OCA2: variants seen among roughly 807,000 people sequenced by gnomAD.
OCA2 encodes the protein OCA2 melanosomal transmembrane protein.
A neutral mutation model predicts 100.2 loss-of-function variants in OCA2; 77 were observed. The observed-to-expected ratio is 0.77, with a 90% CI of 0.64 to 0.93. The LOEUF (loss-of-function observed/expected upper bound fraction) is 0.93, where lower values mean the gene tolerates loss of function less well. OCA2 is among the 40% of genes least tolerant of loss of function. OCA2 has a pLI of 0.00. For missense variants in OCA2, 1,062 were observed against 1,089.1 expected, an observed-to-expected ratio of 0.98 and a Z score of 0.35; for synonymous variants, 432 against 439.2, an observed-to-expected ratio of 0.98 and a Z score of 0.21.
intron 23 of OCA2, among the ~76,000 whole-genome samples, chr15:27,797,836 TG>T (rs1265027430): frequency 6.6e-6 from 1 of 152,178 alleles, no homozygotes; most frequent in African/African-American, 2.4e-5. Context: ...CCATGTTTCC[TG>T]AAGGGCCTGG....
At chr15:27,778,180 CTT>C (rs1218724392) in intron 23 of OCA2, among the ~76,000 whole-genome samples, 1 of 152,208 alleles carries the variant, frequency 6.6e-6, no homozygotes, top group Non-Finnish European at 1.5e-5. Context: ...CATGAGTTAA[CTT>C]TAATTTTTAG....
intron 18 of OCA2, among the ~76,000 whole-genome samples, chr15:27,948,473 T>C (rs1395011385): frequency 6.6e-6 from 1 of 151,788 alleles, no homozygotes; most frequent in African/African-American, 2.4e-5. Context: ...TTGTTTTCTG[T>C]TTTTTGTTTT....
At chr15:27,962,114 AG>A (rs1232335727) in intron 15 of OCA2, among the ~76,000 whole-genome samples, 2 of 152,206 alleles carry the variant, frequency 1.3e-5, no homozygotes, top group Non-Finnish European at 2.9e-5. Flanking sequence ...ATTAGATGAT[AG>A]ATTACAGATA....
chr15:27,750,367 C>T (rs10519617), downstream of OCA2, among the ~76,000 whole-genome samples: 24,678 of 152,126 alleles, frequency 0.16, 2,096 homozygotes, highest in Middle Eastern at 0.28. Context: ...AAGGCTTGAA[C>T]GGGCCAAATT....
At chr15:27,858,258 C>T (rs1324055865) in intron 21 of OCA2, among the ~76,000 whole-genome samples, 1 of 151,898 alleles carries the variant, frequency 6.6e-6, no homozygotes, top group Non-Finnish European at 1.5e-5. Context: ...CCTGTAATCC[C>T]AGCTACTCAG....
intron 21 of OCA2, among the ~76,000 whole-genome samples, chr15:27,868,595 TAG>T (rs1173436661): frequency 3.3e-5 from 5 of 151,852 alleles, no homozygotes; most frequent in African/African-American, 7.3e-5. Flanking sequence ...GCTCAATGGG[TAG>T]AGTTTCAGTT....
chr15:27,869,996 G>A (rs549185041), intron 21 of OCA2, among the ~76,000 whole-genome samples: 2 of 152,188 alleles, frequency 1.3e-5, no homozygotes, highest in Non-Finnish European at 2.9e-5. Flanking sequence ...CCAGGCCCTG[G>A]AAGGAGAGCA....
chr15:27,857,494 T>C (rs1229506673), intron 21 of OCA2, among the ~76,000 whole-genome samples: 1 of 152,146 alleles, frequency 6.6e-6, no homozygotes, highest in Non-Finnish European at 1.5e-5. Flanking sequence ...GTGATAGTTG[T>C]ACAATAATAT....
intron 22 of OCA2, among the ~76,000 whole-genome samples, chr15:27,847,531 T>A (rs1396019842): frequency 6.6e-6 from 1 of 151,980 alleles, no homozygotes; most frequent in African/African-American, 2.4e-5. Context: ...GAGGAGGCCC[T>A]GGAGAGGAGG....
intron 23 of OCA2, among the ~76,000 whole-genome samples, chr15:27,769,649 A>T (rs1177851557): frequency 6.6e-6 from 1 of 152,184 alleles, no homozygotes; most frequent in Non-Finnish European, 1.5e-5. Context: ...TTGAAATAAA[A>T]AAAAAGGCTT....
downstream of OCA2, among the ~76,000 whole-genome samples, chr15:27,752,065 T>C (rs563823393): frequency 2.6e-5 from 4 of 152,336 alleles, no homozygotes; most frequent in East Asian, 1.9e-4. Context: ...CAGATTCCCA[T>C]GGACTCTGCT....
At chr15:27,815,287 G>A (rs2151241518) in intron 23 of OCA2, among the ~76,000 whole-genome samples, 1 of 152,342 alleles carries the variant, frequency 6.6e-6, no homozygotes, top group South Asian at 2.1e-4. Context: ...CAGGAACAGA[G>A]GGAAGGGGCT....
At chr15:28,009,627 G>A (rs1393778219) in intron 9 of OCA2, among the ~76,000 whole-genome samples, 2 of 150,822 alleles carry the variant, frequency 1.3e-5, no homozygotes, top group East Asian at 4.0e-4. Flanking sequence ...GGCGCAGGTT[G>A]CAGTGGGCTG....
At chr15:27,788,421 C>A (rs1300410118) in intron 23 of OCA2, among the ~76,000 whole-genome samples, 1 of 151,962 alleles carries the variant, frequency 6.6e-6, no homozygotes, top group African/African-American at 2.4e-5. Context: ...GATTTATTGA[C>A]CCTGATAAAA....
chr15:27,864,247 C>T (rs2036240148), intron 21 of OCA2, among the ~76,000 whole-genome samples: 1 of 152,162 alleles, frequency 6.6e-6, no homozygotes, highest in African/African-American at 2.4e-5. Flanking sequence ...CCTTAGCTTG[C>T]ACAATGGCAG....
intron 4 of OCA2, among the ~76,000 whole-genome samples, chr15:28,026,989 G>A (rs564361248): frequency 2.7e-4 from 41 of 152,246 alleles, no homozygotes; most frequent in Admixed American, 5.2e-4. Flanking sequence ...AAGGCCCTGC[G>A]ATGGGCGCTC....
intron 23 of OCA2, among the ~76,000 whole-genome samples, chr15:27,790,503 T>A (rs2033029287): frequency 6.6e-6 from 1 of 152,172 alleles, no homozygotes; most frequent in Non-Finnish European, 1.5e-5. Flanking sequence ...TGATTGGATA[T>A]CCAAAACATT....
intron 23 of OCA2, among the ~76,000 whole-genome samples, chr15:27,800,958 C>T (rs144712168): frequency 1.3e-5 from 2 of 152,232 alleles, no homozygotes; most frequent in African/African-American, 4.8e-5. Context: ...CAGAGTGAGA[C>T]CCTACCTCGA....
rs763734477 is a variant in OCA2, at chr15:28,081,834, G to A, written c.41C>T (p.Ala14Val). ...CGTCTGCAGGAGCTCCACCGCCGGC[G>A]CGCCGGGGTACCGCCTGCCGTCTCT... ...EGRDGRRYPG[A>V]PAVELLQTSV... The change falls in exon 2 of 24, where the codon GCG (alanine) becomes GTG (valine). Residue 14 changes from alanine (A) to valine (V), a missense_variant. Physicochemically the swap from Ala to Val is moderately conservative, Grantham distance 64. Transcript: ENST00000354638. 5.5e-5 allele frequency: 88 copies of A among 1,611,620 alleles called. No individual in the cohort carries two copies. The highest frequency in any genetic ancestry group is 3.3e-4 in the East Asian group (15 of 44,854).
Sources: allele counts gnomAD v4.1 joint callset (sites outside exome capture counted in the v4.1 genomes callset), GRCh38; gene constraint gnomAD v4.1.1; transcripts MANE v1.5; gene names NCBI Gene and HGNC (gene_info 2026-07-23, HGNC 2026-07-21).